Variants in USP7 observed in about 807,000 individuals in gnomAD.
The protein encoded by USP7 is ubiquitin C-terminal hydrolase 7.
USP7 carries 9 observed loss-of-function variants against 162.9 expected under a neutral mutation model. That is an observed-to-expected ratio of 0.06 (90% CI 0.03 to 0.10). The LOEUF (loss-of-function observed/expected upper bound fraction) is 0.10, where lower values mean the gene tolerates loss of function less well. Among genes scored for constraint, USP7 ranks in the 10% least tolerant of loss-of-function variants. USP7 has a pLI of 1.00. For missense variants in USP7, 715 were observed against 1,373.7 expected (o/e 0.52, Z 7.58); for synonymous variants, 562 against 475.9 (o/e 1.18, Z -2.35).
At chr16:8,906,699 TGC>T (rs2061866227) in intron 12 of USP7, 117 bp from the exon 13 acceptor site, 4 of 1,091,140 alleles carry the variant, frequency 3.7e-6, no homozygotes, top group Non-Finnish European at 5.1e-6. Context: ...AAGCATGAAT[TGC>T]CTTGGGAAGG....
intron 1 of USP7, among the ~76,000 whole-genome samples, chr16:8,945,903 TA>T (rs986549776): frequency 6.6e-6 from 1 of 150,658 alleles, no homozygotes; most frequent in African/African-American, 2.4e-5. Context: ...AAGTAAAAAT[TA>T]AAAAAAACAA....
Position 8,896,928 on chromosome 16 carries a change from G to A in USP7, c.2819+71C>T, listed in dbSNP as rs368745630. On this transcript the variant is annotated intron_variant, in intron 26 of 30. Coordinates refer to ENST00000344836, the MANE Select transcript of USP7 (RefSeq NM_003470.3). ...TCCCAGCTGGGTGATTTCCACCAACGCAACTGCAGAGGTCAGCGTTAACTG... is the reference window on the plus strand; with the variant it reads ...TCCCAGCTGGGTGATTTCCACCAACACAACTGCAGAGGTCAGCGTTAACTG... 249 of 1,171,394 alleles carry A rather than the reference G, an allele frequency of 2.1e-4. 2 individuals carry two copies. The African/African-American group carries it at 2.9e-3, about 14-fold the overall frequency. 72.6% of individuals were successfully genotyped at this position (1,171,394 alleles called of 1,614,324 possible).
intron 1 of USP7, among the ~76,000 whole-genome samples, chr16:8,940,188 C>T (rs1441185665): frequency 6.6e-6 from 1 of 152,198 alleles, no homozygotes; most frequent in Non-Finnish European, 1.5e-5. Context: ...CTGTGGCTCC[C>T]ATCCTGCTGC....
intron 1 of USP7, among the ~76,000 whole-genome samples, chr16:8,947,726 G>A (rs752688663): frequency 1.3e-5 from 2 of 152,094 alleles, no homozygotes; most frequent in Non-Finnish European, 2.9e-5. Context: ...GCTCTTTAAG[G>A]GGTGAAGTCT....
intron 1 of USP7, among the ~76,000 whole-genome samples, chr16:8,954,662 G>A (rs1311722212): frequency 5.3e-5 from 8 of 152,322 alleles, no homozygotes; most frequent in African/African-American, 1.9e-4. Flanking sequence ...GTATTCATTT[G>A]AGGTTTGCGT....
chr16:8,950,219 G>T (rs1192606206), intron 1 of USP7, among the ~76,000 whole-genome samples: 1 of 152,124 alleles, frequency 6.6e-6, no homozygotes, highest in Non-Finnish European at 1.5e-5. Flanking sequence ...TGCCACAGTG[G>T]ACAGCGAAGG....
intron 1 of USP7, among the ~76,000 whole-genome samples, chr16:8,960,074 G>A (rs11865187): frequency 0.011 from 1,636 of 152,320 alleles, 28 homozygotes; most frequent in African/African-American, 0.038. Context: ...AGTATTCAGA[G>A]GGCAGAGACC....
chr16:8,903,410 T>C lies in USP7; in HGVS notation c.1705-8A>G, dbSNP rs530407662. On this transcript the variant is annotated splice_region_variant and splice_polypyrimidine_tract_variant and intron_variant, in intron 15 of 30. Transcript: ENST00000344836. ...CTGGTCCTCTGCGACTATCTGAAAA[T>C]ATGTATGAAAGCACAGAAAAGACTT... is the stretch of plus-strand genomic sequence containing the variant. 4 of 1,612,206 alleles carry C rather than the reference T, an allele frequency of 2.5e-6. No individual in the cohort carries two copies. Among genetic ancestry groups the C allele is most frequent in the Admixed American group, 1.7e-5 (1 of 59,852 alleles).
At chr16:8,907,739 A>T (rs1268009082) in intron 12 of USP7, among the ~76,000 whole-genome samples, 1 of 152,174 alleles carries the variant, frequency 6.6e-6, no homozygotes, top group African/African-American at 2.4e-5. Flanking sequence ...GCTTGAGCCC[A>T]GCAGTTCAAG....
At chr16:8,910,679 A>G (rs2061932406) in intron 11 of USP7, 66 bp downstream of exon 11, 4 of 1,428,966 alleles carry the variant, frequency 2.8e-6, no homozygotes, top group Non-Finnish European at 3.9e-6. Flanking sequence ...TTTATTTAGC[A>G]ATTAAAAGAA....
chr16:8,904,333 G>A (rs1254784171), intron 15 of USP7, 102 bp downstream of exon 15: 9 of 1,539,300 alleles, frequency 5.8e-6, no homozygotes, highest in Non-Finnish European at 7.9e-6. Context: ...GCTGCATGGT[G>A]ACCTGGGAGT....
chr16:8,938,339 C>A (rs1287662135), intron 1 of USP7, among the ~76,000 whole-genome samples: 20 of 141,566 alleles, frequency 1.4e-4, no homozygotes, highest in Admixed American at 3.5e-4. Flanking sequence ...ATAACACAGT[C>A]AAAAAAAAAA....
chr16:8,932,668 T>C (rs1898433584), intron 1 of USP7, among the ~76,000 whole-genome samples: 2 of 152,168 alleles, frequency 1.3e-5, no homozygotes, highest in Admixed American at 1.3e-4. Context: ...TTCATCCACA[T>C]TCATTTTCCT....
chr16:8,920,255 GCTTA>G, intron 5 of USP7, 100 bp downstream of exon 5: 1 of 974,808 alleles, frequency 1.0e-6, no homozygotes, highest in Non-Finnish European at 1.6e-6. Flanking sequence ...CAGAGAGGAG[GCTTA>G]CTGATTAAAT....
chr16:8,897,743 A>ATATATG (rs1477766368), intron 25 of USP7, among the ~76,000 whole-genome samples: 3 of 128,114 alleles, frequency 2.3e-5, no homozygotes, highest in Admixed American at 8.2e-5. Context: ...ATATATATAT[A>ATATATG]TATAAATGAG....
intron 23 of USP7, 90 bp downstream of exon 23, chr16:8,899,031 G>T: frequency 5.1e-6 from 7 of 1,360,662 alleles, no homozygotes; most frequent in Non-Finnish European, 7.3e-6. Flanking sequence ...GAAATGGCGA[G>T]CTAATTATTA....
At chr16:8,895,355 A>C (rs2061665465) in intron 27 of USP7, among the ~76,000 whole-genome samples, 1 of 152,134 alleles carries the variant, frequency 6.6e-6, no homozygotes. Flanking sequence ...TCCCCCAAAA[A>C]ACTGAATTTT....
At chr16:8,932,344 C>G (rs112547349) in intron 1 of USP7, among the ~76,000 whole-genome samples, 1,588 of 152,254 alleles carry the variant, frequency 0.01, 9 homozygotes, top group Non-Finnish European at 0.015. Flanking sequence ...GATGGGAGAA[C>G]TGCTTGAGCC....
chr16:8,950,600 G>A (rs1318392486), intron 1 of USP7, among the ~76,000 whole-genome samples: 2 of 152,148 alleles, frequency 1.3e-5, no homozygotes, highest in African/African-American at 4.8e-5. Flanking sequence ...AGGACTGGGC[G>A]CTGACAGAGA....
Sources: gnomAD v4.1 joint callset for allele counts (sites outside exome capture counted in the v4.1 genomes callset) on GRCh38, gnomAD v4.1.1 for gene constraint, MANE v1.5 for transcripts, NCBI Gene and HGNC (gene_info 2026-07-23, HGNC 2026-07-21) for gene names.